The following LDLRAD4 variants were observed in gnomAD, a reference collection of about 807,000 sequenced individuals.
The protein encoded by LDLRAD4 is low density lipoprotein receptor class A domain containing 4.
LDLRAD4 carries 5 observed loss-of-function variants against 17.0 expected under a neutral mutation model. That is an observed-to-expected ratio of 0.29 (90% CI 0.15 to 0.62). LDLRAD4 has a LOEUF of 0.62. Among genes scored for constraint, LDLRAD4 ranks in the 20% least tolerant of loss-of-function variants. LDLRAD4 has a pLI of 0.84. For synonymous variants in LDLRAD4, 168 were observed against 171.8 expected (o/e 0.98, Z 0.17); for missense variants, 340 against 424.7 (o/e 0.80, Z 1.75).
rs562682268 is a variant in LDLRAD4, at chr18:13,534,176, G to A, written c.182-86941G>A. Among the ~76,000 whole-genome samples, 6 of 152,312 alleles carry A rather than the reference G, an allele frequency of 3.9e-5. No homozygotes were observed. In the South Asian group the frequency reaches 1.0e-3, roughly 26 times the overall value. On this transcript the variant is annotated intron_variant, in intron 3 of 5. Coordinates refer to ENST00000359446, the Ensembl canonical transcript of LDLRAD4. ...GATTGGTTCAAGGCAGTGCCTATCT[G>A]CACTTCCCTGTAACTCTCACTTTTT...
At chr18:13,634,821 A>AT (rs2041950317) in intron 4 of LDLRAD4, among the ~76,000 whole-genome samples, 1 of 151,986 alleles carries the variant, frequency 6.6e-6, no homozygotes, top group Non-Finnish European at 1.5e-5. Context: ...ACAATTCCTG[A>AT]TTTCAAGACT....
At chr18:13,395,659 C>CGGG (rs2086622406) in intron 2 of LDLRAD4, among the ~76,000 whole-genome samples, 1 of 64,420 alleles carries the variant, frequency 1.6e-5, no homozygotes, top group African/African-American at 7.0e-5. Flanking sequence ...GGCGTGGGGG[C>CGGG]AGGAGCTGGC....
intron 3 of LDLRAD4, among the ~76,000 whole-genome samples, chr18:13,617,185 G>A (rs8093996): frequency 0.032 from 4,846 of 151,486 alleles, 199 homozygotes; most frequent in African/African-American, 0.096. Context: ...CAATTCCCCC[G>A]TCTTGGTCTC....
intron 4 of LDLRAD4, among the ~76,000 whole-genome samples, chr18:13,633,355 C>T (rs1364788658): frequency 6.6e-6 from 1 of 152,252 alleles, no homozygotes; most frequent in African/African-American, 2.4e-5. Context: ...ATGCTTTAGG[C>T]CATTCCTGGC....
intron 4 of LDLRAD4, among the ~76,000 whole-genome samples, chr18:13,637,492 C>T (rs1363960392): frequency 1.3e-5 from 2 of 152,140 alleles, no homozygotes; most frequent in African/African-American, 4.8e-5. Context: ...CCATTCAAAA[C>T]ACCACCTTTG....
chr18:13,539,695 T>C (rs1194209014), intron 3 of LDLRAD4, among the ~76,000 whole-genome samples: 1 of 152,158 alleles, frequency 6.6e-6, no homozygotes, highest in Non-Finnish European at 1.5e-5. Flanking sequence ...AGGAAAGACA[T>C]GACATCTGAA....
intron 1 of LDLRAD4, among the ~76,000 whole-genome samples, chr18:13,309,193 T>G (rs1285000861): frequency 1.3e-5 from 2 of 152,246 alleles, no homozygotes; most frequent in Non-Finnish European, 2.9e-5. Flanking sequence ...CCACTTGCCC[T>G]GCACACCATG....
intron 3 of LDLRAD4, chr18:13,500,740 G>A (rs2093600669): frequency 6.6e-6 from 1 of 152,196 alleles, no homozygotes. Flanking sequence ...GCTTCTGTAA[G>A]ATGATATGCC....
intron 3 of LDLRAD4, among the ~76,000 whole-genome samples, chr18:13,446,664 G>T (rs2091427940): frequency 6.6e-6 from 1 of 152,232 alleles, no homozygotes. Context: ...GTCTTGTCAG[G>T]AGGATGGAGA....
intron 1 of LDLRAD4, among the ~76,000 whole-genome samples, chr18:13,359,314 C>T (rs2083523248): frequency 6.6e-6 from 1 of 152,080 alleles, no homozygotes; most frequent in Non-Finnish European, 1.5e-5. Context: ...AATGGAGTAG[C>T]CTTTCTGTGG....
At chr18:13,327,466 G>A (rs755018431) in intron 1 of LDLRAD4, among the ~76,000 whole-genome samples, 2 of 152,118 alleles carry the variant, frequency 1.3e-5, no homozygotes, top group African/African-American at 2.4e-5. Context: ...GCAAGAGGGG[G>A]TCATTGTTGA....
chr18:13,442,532 G>A (rs2091095258), intron 3 of LDLRAD4, among the ~76,000 whole-genome samples: 1 of 152,228 alleles, frequency 6.6e-6, no homozygotes, highest in African/African-American at 2.4e-5. Flanking sequence ...GAGAAAGTGG[G>A]TTGGGCCTAG....
chr18:13,299,834 C>A (rs193271572), intron 1 of LDLRAD4, among the ~76,000 whole-genome samples: 193 of 152,114 alleles, frequency 1.3e-3, no homozygotes, highest in Non-Finnish European at 2.2e-3. Flanking sequence ...TAGAGCAAGA[C>A]CCTGTCTCTT....
At chr18:13,386,927 GATA>G (rs2085867256) in intron 1 of LDLRAD4, among the ~76,000 whole-genome samples, 20 of 147,012 alleles carry the variant, frequency 1.4e-4, no homozygotes, top group African/African-American at 5.2e-4. Flanking sequence ...TAGATAGATA[GATA>G]GATAGATAGA....
chr18:13,337,456 A>G (rs1318403787), intron 1 of LDLRAD4, among the ~76,000 whole-genome samples: 1 of 152,108 alleles, frequency 6.6e-6, no homozygotes, highest in Non-Finnish European at 1.5e-5. Flanking sequence ...AACTTTTTTC[A>G]TTGTCTTTTT....
Position 13,522,231 on chromosome 18 carries a change from G to A in LDLRAD4, c.181+83847G>A, listed in dbSNP as rs536086414. The A allele has an allele frequency of 5.9e-5, 9 of 152,132 alleles. No homozygotes were observed. The East Asian group carries it at 1.4e-3, about 23-fold the overall frequency. The allele number at this position is 152,132 out of a possible 1,614,324, so 9.4% of individuals were successfully genotyped here. A position where few individuals can be genotyped will look rare whatever the true frequency, so the allele number is the denominator to read the frequency against. Reference sequence around the variant, plus strand: ...GGACAAGCTGCATAATTCTCTATTAGCCTGTAGCCTTGCTGTTTTCTAGAA... The same window carrying A: ...GGACAAGCTGCATAATTCTCTATTAACCTGTAGCCTTGCTGTTTTCTAGAA... On this transcript the variant is annotated intron_variant, in intron 3 of 5. Transcript: ENST00000359446.
chr18:13,540,911 CTGTGGGCACCTTCA>C (rs1484872304), intron 3 of LDLRAD4, among the ~76,000 whole-genome samples: 5 of 152,182 alleles, frequency 3.3e-5, no homozygotes, highest in African/African-American at 1.2e-4. Flanking sequence ...TCTTTGGAGC[CTGTGGGCACCTTCA>C]TGTGGGCACT....
At chr18:13,265,994 T>C (rs2044194897) in intron 1 of LDLRAD4, among the ~76,000 whole-genome samples, 2 of 152,186 alleles carry the variant, frequency 1.3e-5, no homozygotes, top group African/African-American at 4.8e-5. Flanking sequence ...GTTTTAAGCA[T>C]CGATATGTTT....
intron 1 of LDLRAD4, among the ~76,000 whole-genome samples, chr18:13,325,816 A>G (rs528091875): frequency 2.0e-5 from 3 of 151,226 alleles, no homozygotes; most frequent in Non-Finnish European, 4.4e-5. Flanking sequence ...GCAGTGGCGC[A>G]ATCTCGGCTC....
Sources: allele counts gnomAD v4.1 joint callset (sites outside exome capture counted in the v4.1 genomes callset), GRCh38; gene constraint gnomAD v4.1.1; transcripts MANE v1.5; gene names NCBI Gene and HGNC (gene_info 2026-07-23, HGNC 2026-07-21).